CSNK2A2IP: variants seen among roughly 807,000 people sequenced by gnomAD.
CSNK2A2IP encodes the protein casein kinase II subunit alpha'-interacting protein.
At chr3:88,406,915 C>T in the CSNK2A2IP span, among the ~76,000 whole-genome samples, 2 of 152,212 alleles carry the variant, frequency 1.3e-5, no homozygotes, top group African/African-American at 4.8e-5. Context: ...TAGCCCCACT[C>T]TCATGTGGCC....
chr3:88,378,922 T>G, the CSNK2A2IP span, among the ~76,000 whole-genome samples: 1 of 152,078 alleles, frequency 6.6e-6, no homozygotes, highest in African/African-American at 2.4e-5. Flanking sequence ...TGCTCCATAA[T>G]TTTTTTCAAG....
the CSNK2A2IP span, among the ~76,000 whole-genome samples, chr3:88,394,296 T>C: frequency 8.5e-5 from 13 of 152,356 alleles, no homozygotes; most frequent in South Asian, 1.7e-3. Flanking sequence ...TTTATCCATA[T>C]CATCACCAAT....
the CSNK2A2IP span, among the ~76,000 whole-genome samples, chr3:88,409,584 A>G: frequency 1.3e-5 from 2 of 152,030 alleles, no homozygotes; most frequent in Non-Finnish European, 1.5e-5. Flanking sequence ...GAGTGAGGCA[A>G]ATAGAAAAAA....
At chr3:88,354,183 T>A in the CSNK2A2IP span, among the ~76,000 whole-genome samples, 1 of 152,322 alleles carries the variant, frequency 6.6e-6, no homozygotes, top group East Asian at 1.9e-4. Context: ...CTTGCAGAAC[T>A]GCGAACTAAA....
the CSNK2A2IP span, among the ~76,000 whole-genome samples, chr3:88,425,635 T>C: frequency 2.6e-5 from 4 of 152,286 alleles, no homozygotes; most frequent in South Asian, 2.1e-4. Flanking sequence ...ACATGATGAA[T>C]GTTCTTTACT....
chr3:88,374,624 G>A, the CSNK2A2IP span, among the ~76,000 whole-genome samples: 1 of 151,478 alleles, frequency 6.6e-6, no homozygotes, highest in Admixed American at 6.6e-5. Flanking sequence ...TACTTTTATT[G>A]CAATTGAAAT....
the CSNK2A2IP span, among the ~76,000 whole-genome samples, chr3:88,456,347 T>A: frequency 2.6e-5 from 4 of 152,134 alleles, no homozygotes; most frequent in African/African-American, 9.6e-5. Flanking sequence ...TTTCCACTTA[T>A]TTGAGTTTTC....
the CSNK2A2IP span, among the ~76,000 whole-genome samples, chr3:88,353,622 A>C: frequency 1.3e-5 from 2 of 152,166 alleles, no homozygotes; most frequent in Non-Finnish European, 2.9e-5. Context: ...ATCTTAACTT[A>C]GCTTATCTTG....
At chr3:88,450,103 A>G in the CSNK2A2IP span, among the ~76,000 whole-genome samples, 1 of 151,640 alleles carries the variant, frequency 6.6e-6, no homozygotes, top group Non-Finnish European at 1.5e-5. Flanking sequence ...TCCTGACCTC[A>G]AGTGATCCTC....
At chr3:88,400,850 A>G in the CSNK2A2IP span, among the ~76,000 whole-genome samples, 1 of 152,232 alleles carries the variant, frequency 6.6e-6, no homozygotes, top group African/African-American at 2.4e-5. Flanking sequence ...AGCAACAAGA[A>G]ACTAATGTAA....
chr3:88,401,729 G>A, the CSNK2A2IP span, among the ~76,000 whole-genome samples: 5,044 of 152,080 alleles, frequency 0.033, 278 homozygotes, highest in African/African-American at 0.11. Flanking sequence ...TCTTTGCCAT[G>A]TCTTAAGTAG....
chr3:88,350,173 T>G, the CSNK2A2IP span, among the ~76,000 whole-genome samples: 1 of 152,126 alleles, frequency 6.6e-6, no homozygotes. Flanking sequence ...TGCTCTTTCT[T>G]CAGCCAAGGA....
the CSNK2A2IP span, chr3:88,467,417 T>C: frequency 5.0e-6 from 2 of 398,634 alleles, no homozygotes; most frequent in Admixed American, 4.4e-5. Flanking sequence ...CTTGAGTTTA[T>C]ATATAGCAAA....
At chr3:88,366,891 A>C in the CSNK2A2IP span, among the ~76,000 whole-genome samples, 684 of 152,196 alleles carry the variant, frequency 4.5e-3, 6 homozygotes, top group African/African-American at 0.016. Context: ...GGCGAAAGGC[A>C]CTTCTTACAT....
At chr3:88,403,695 G>A in the CSNK2A2IP span, among the ~76,000 whole-genome samples, 8 of 152,124 alleles carry the variant, frequency 5.3e-5, no homozygotes, top group Non-Finnish European at 1.2e-4. Context: ...TGATAAAGAA[G>A]CTGTTATTTA....
chr3:88,435,893 GCACATTATGTGT>G, the CSNK2A2IP span, among the ~76,000 whole-genome samples: 1 of 16,708 alleles, frequency 6.0e-5, no homozygotes. Flanking sequence ...TATATATAAT[GCACATTATGTGT>G]GCATTATATA....
chr3:88,454,753 C>T, the CSNK2A2IP span, among the ~76,000 whole-genome samples: 1 of 151,822 alleles, frequency 6.6e-6, no homozygotes, highest in Non-Finnish European at 1.5e-5. Flanking sequence ...AGCTAATTAG[C>T]ATATCTATCA....
At chr3:88,364,809 C>T in the CSNK2A2IP span, among the ~76,000 whole-genome samples, 1 of 152,078 alleles carries the variant, frequency 6.6e-6, no homozygotes, top group Admixed American at 6.6e-5. Context: ...CAATGAAGCA[C>T]AGATTTTAGA....
chr3:88,432,246 T>C, the CSNK2A2IP span, among the ~76,000 whole-genome samples: 1 of 152,054 alleles, frequency 6.6e-6, no homozygotes, highest in South Asian at 2.1e-4. Flanking sequence ...AGGAATGTTT[T>C]AGGAAACAAT....
Sources: allele counts gnomAD v4.1 joint callset (sites outside exome capture counted in the v4.1 genomes callset), GRCh38; gene constraint gnomAD v4.1.1; transcripts MANE v1.5; gene names NCBI Gene and HGNC (gene_info 2026-07-23, HGNC 2026-07-21).